UQCC5: variants seen among roughly 807,000 people sequenced by gnomAD.
UQCC5 encodes the protein UPF0640 protein C3orf78.
chr3:52,537,011 T>C, the UQCC5 span: 1 of 1,442,994 alleles, frequency 6.9e-7, no homozygotes, highest in Non-Finnish European at 9.4e-7. Context: ...CGCATTCCAC[T>C]CAGAGCGCTG....
At chr3:52,540,507 A>AAAG in the UQCC5 span, 1 of 1,499,300 alleles carries the variant, frequency 6.7e-7, no homozygotes, top group Non-Finnish European at 8.9e-7. Flanking sequence ...AGCAGTCAAT[A>AAAG]AAGTCAATAT....
the UQCC5 span, among the ~76,000 whole-genome samples, chr3:52,538,342 G>C: frequency 6.6e-6 from 1 of 152,240 alleles, no homozygotes; most frequent in Non-Finnish European, 1.5e-5. Flanking sequence ...TCTGGGACGT[G>C]ACGAGGTAGA....
At chr3:52,540,936 G>C in the UQCC5 span, 1 of 153,010 alleles carries the variant, frequency 6.5e-6, no homozygotes, top group Non-Finnish European at 1.5e-5. Flanking sequence ...ATTTCTGCCA[G>C]CTACTAGACT....
the UQCC5 span, chr3:52,540,529 A>C: frequency 1.3e-5 from 18 of 1,408,516 alleles, no homozygotes; most frequent in Admixed American, 2.2e-4. Context: ...AATTTTTACT[A>C]TTGGTTTCAG....
chr3:52,540,514 A>G, the UQCC5 span: 34 of 1,481,674 alleles, frequency 2.3e-5, no homozygotes, highest in African/African-American at 7.2e-5. Context: ...AATAAAGTCA[A>G]TATGAATTTT....
At chr3:52,538,584 C>G in the UQCC5 span, among the ~76,000 whole-genome samples, 2 of 152,220 alleles carry the variant, frequency 1.3e-5, no homozygotes, top group African/African-American at 4.8e-5. Context: ...GCCTCAGCCT[C>G]TGGAGTAGCT....
the UQCC5 span, among the ~76,000 whole-genome samples, chr3:52,537,898 C>T: frequency 4.6e-5 from 7 of 152,102 alleles, no homozygotes; most frequent in Non-Finnish European, 8.8e-5. Context: ...ATCTCCATGG[C>T]AGTGGTAGGA....
the UQCC5 span, chr3:52,536,651 T>G: frequency 2.7e-6 from 4 of 1,500,046 alleles, no homozygotes; most frequent in East Asian, 9.9e-5. Context: ...CTCGCTAGTC[T>G]CCCAGGTCGC....
the UQCC5 span, chr3:52,536,916 G>T: frequency 1.9e-6 from 3 of 1,551,466 alleles, no homozygotes; most frequent in Non-Finnish European, 2.6e-6. Context: ...TGTAAGTGAG[G>T]GGGTAGCAGT....
chr3:52,540,187 TAAGA>T, the UQCC5 span, among the ~76,000 whole-genome samples: 3 of 152,232 alleles, frequency 2.0e-5, no homozygotes, highest in African/African-American at 7.2e-5. Context: ...AGAGATGTGC[TAAGA>T]CATGATTCTA....
chr3:52,536,677 C>T, the UQCC5 span: 1 of 1,523,722 alleles, frequency 6.6e-7, no homozygotes, highest in East Asian at 2.5e-5. Flanking sequence ...ACGGCGAGAA[C>T]GGGCGGGGCG....
chr3:52,541,754 G>C, the UQCC5 span: 1 of 152,164 alleles, frequency 6.6e-6, no homozygotes, highest in Admixed American at 6.5e-5. Context: ...ACTATAGTAT[G>C]ATTCTCAATT....
chr3:52,536,845 T>G, the UQCC5 span: 1 of 1,551,756 alleles, frequency 6.4e-7, no homozygotes, highest in Non-Finnish European at 8.7e-7. Flanking sequence ...CCTTCTTTTT[T>G]GTCCTGGGAG....
chr3:52,538,189 C>G, the UQCC5 span, among the ~76,000 whole-genome samples: 1 of 152,178 alleles, frequency 6.6e-6, no homozygotes, highest in Non-Finnish European at 1.5e-5. Flanking sequence ...AAGTAAAAGA[C>G]AGCCCAGAGG....
At chr3:52,541,742 A>G in the UQCC5 span, 1 of 152,202 alleles carries the variant, frequency 6.6e-6, no homozygotes, top group Admixed American at 6.5e-5. Context: ...TGCTGTATAA[A>G]AACTATAGTA....
the UQCC5 span, among the ~76,000 whole-genome samples, chr3:52,539,828 G>A: frequency 0.42 from 63,166 of 151,748 alleles, 13,672 homozygotes; most frequent in Admixed American, 0.51. Flanking sequence ...TAGTAGTGAC[G>A]GGGTTTCACC....
chr3:52,540,438 A>T, the UQCC5 span: 1 of 1,530,282 alleles, frequency 6.5e-7, no homozygotes. Flanking sequence ...TGTCTACCGT[A>T]GAAAAGCCTC....
At chr3:52,539,932 C>T in the UQCC5 span, among the ~76,000 whole-genome samples, 1 of 152,190 alleles carries the variant, frequency 6.6e-6, no homozygotes, top group Non-Finnish European at 1.5e-5. Context: ...CCACTGTGCC[C>T]GGCCTGGAAA....
chr3:52,536,644 G>A, the UQCC5 span: 1 of 1,490,464 alleles, frequency 6.7e-7, no homozygotes, highest in Non-Finnish European at 9.0e-7. Flanking sequence ...GACGGCGCTC[G>A]CTAGTCTCCC....
Sources: gnomAD v4.1 joint callset for allele counts (sites outside exome capture counted in the v4.1 genomes callset) on GRCh38, gnomAD v4.1.1 for gene constraint, MANE v1.5 for transcripts, NCBI Gene and HGNC (gene_info 2026-07-23, HGNC 2026-07-21) for gene names.